GRIK2: variants seen among roughly 807,000 people sequenced by gnomAD.
The protein encoded by GRIK2 is glutamate ionotropic receptor kainate type subunit 2.
A neutral mutation model predicts 100.3 loss-of-function variants in GRIK2; 32 were observed. The ratio of observed to expected loss-of-function variants is 0.32; its 90% CI spans 0.24 to 0.43. The LOEUF (loss-of-function observed/expected upper bound fraction) is 0.43, where lower values mean the gene tolerates loss of function less well. Among genes scored for constraint, GRIK2 ranks in the 20% least tolerant of loss-of-function variants. The pLI, the probability that GRIK2 is intolerant of heterozygous loss-of-function variation, is 1.00. For missense variants in GRIK2, 843 were observed against 1,114.9 expected (o/e 0.76, Z 3.47); for synonymous variants, 417 against 389.4 (o/e 1.07, Z -0.83).
chr6:101,557,374 AT>A (rs1227535633), intron 2 of GRIK2, among the ~76,000 whole-genome samples: 1 of 152,182 alleles, frequency 6.6e-6, no homozygotes, highest in Non-Finnish European at 1.5e-5. Flanking sequence ...TTTTTAAAAA[AT>A]ATCTCTGGGT....
chr6:101,628,916 C>T (rs888716460), intron 4 of GRIK2, among the ~76,000 whole-genome samples: 16 of 152,052 alleles, frequency 1.1e-4, no homozygotes, highest in Admixed American at 4.6e-4. Flanking sequence ...CACAATCCTA[C>T]GTGTATGCAC....
At chr6:101,890,094 C>T (rs1582466149) in intron 12 of GRIK2, 1 of 392,126 alleles carries the variant, frequency 2.6e-6, no homozygotes. Flanking sequence ...ATAGGGATTA[C>T]TGTTTTCTTA....
intron 2 of GRIK2, among the ~76,000 whole-genome samples, chr6:101,608,153 A>T (rs1014664674): frequency 6.6e-6 from 1 of 151,914 alleles, no homozygotes; most frequent in African/African-American, 2.4e-5. Flanking sequence ...GCCTAAGGCC[A>T]CTCAGCAGAA....
At chr6:101,893,125 C>T (rs1184123682) in intron 12 of GRIK2, among the ~76,000 whole-genome samples, 1 of 151,066 alleles carries the variant, frequency 6.6e-6, no homozygotes, top group Admixed American at 6.6e-5. Context: ...TATTTTAATG[C>T]TTCCTTTAGC....
intron 10 of GRIK2, among the ~76,000 whole-genome samples, chr6:101,847,478 G>T (rs1783878490): frequency 6.6e-6 from 1 of 152,184 alleles, no homozygotes; most frequent in South Asian, 2.1e-4. Context: ...ATTTTGTAAA[G>T]TCTGTATTTT....
chr6:101,891,629 G>A (rs752481535), intron 12 of GRIK2: 2 of 386,526 alleles, frequency 5.2e-6, no homozygotes, highest in South Asian at 1.9e-5. Context: ...TACCTAATTA[G>A]TTAGATATTA....
intron 2 of GRIK2, among the ~76,000 whole-genome samples, chr6:101,507,973 A>G: frequency 6.6e-6 from 1 of 152,120 alleles, no homozygotes; most frequent in East Asian, 1.9e-4. Flanking sequence ...GAAGACAATA[A>G]TTTTCTGCCT....
At chr6:101,502,752 A>G (rs1040487422) in intron 2 of GRIK2, among the ~76,000 whole-genome samples, 1 of 152,156 alleles carries the variant, frequency 6.6e-6, no homozygotes, top group African/African-American at 2.4e-5. Context: ...AACACTAAAG[A>G]CCAAATAAAC....
intron 10 of GRIK2, among the ~76,000 whole-genome samples, chr6:101,840,951 C>T (rs623906): frequency 0.44 from 66,280 of 152,032 alleles, 18,188 homozygotes; most frequent in East Asian, 0.85. Flanking sequence ...TGAAGAATAC[C>T]TTATGCTACA....
intron 2 of GRIK2, among the ~76,000 whole-genome samples, chr6:101,556,146 GAC>G: frequency 6.6e-6 from 1 of 151,656 alleles, no homozygotes; most frequent in East Asian, 1.9e-4. Context: ...TGCTCATAAA[GAC>G]ATGACATTTT....
intron 4 of GRIK2, among the ~76,000 whole-genome samples, chr6:101,647,598 A>G (rs1781589913): frequency 6.6e-6 from 1 of 152,066 alleles, no homozygotes; most frequent in African/African-American, 2.4e-5. Context: ...GAAAGGATGC[A>G]GATTATATCT....
intron 2 of GRIK2, among the ~76,000 whole-genome samples, chr6:101,548,196 G>C (rs1261676176): frequency 6.6e-6 from 1 of 152,096 alleles, no homozygotes; most frequent in Non-Finnish European, 1.5e-5. Context: ...ATTTGTTTGA[G>C]TTCTTTGTAG....
chr6:101,602,278 A>G (rs567192797), intron 2 of GRIK2, among the ~76,000 whole-genome samples: 17 of 151,346 alleles, frequency 1.1e-4, no homozygotes, highest in Non-Finnish European at 1.9e-4. Flanking sequence ...TTATTCCACT[A>G]TGGTCTGAGA....
At chr6:102,064,749 C>T (rs1046372411) in intron 16 of GRIK2, among the ~76,000 whole-genome samples, 39 of 150,982 alleles carry the variant, frequency 2.6e-4, no homozygotes, top group African/African-American at 9.2e-4. Context: ...GCTTTAGAGA[C>T]TTATATAAAT....
chr6:101,900,711 AT>A (rs1243227142), intron 12 of GRIK2, among the ~76,000 whole-genome samples: 1 of 152,070 alleles, frequency 6.6e-6, no homozygotes, highest in Non-Finnish European at 1.5e-5. Flanking sequence ...TATAAAAATT[AT>A]TTTTATAGGT....
chr6:101,467,205 G>T (rs1169028509), intron 2 of GRIK2, among the ~76,000 whole-genome samples: 2 of 152,164 alleles, frequency 1.3e-5, no homozygotes, highest in Non-Finnish European at 2.9e-5. Flanking sequence ...CTGGACCAGA[G>T]AAAGCACTAT....
chr6:102,064,874 A>T (rs760581537), intron 16 of GRIK2, among the ~76,000 whole-genome samples: 10 of 151,286 alleles, frequency 6.6e-5, no homozygotes, highest in Admixed American at 1.3e-4. Context: ...TTAATTTGCC[A>T]TGTTAATTGT....
intron 12 of GRIK2, among the ~76,000 whole-genome samples, chr6:101,913,973 G>GTTTGAGAAGAA (rs1030051967): frequency 5.9e-5 from 9 of 151,364 alleles, no homozygotes; most frequent in Non-Finnish European, 1.0e-4. Context: ...TGAATAAAAA[G>GTTTGAGAAGAA]TATTAAAGTT....
chr6:101,818,440 C>G lies in GRIK2; in HGVS notation c.1274C>G (p.Thr425Arg). ...CAAAAGGGAAAGCCAGCGAACATCACAGATTCCTTATCCAATCGTTCTTTG... is the reference window on the plus strand; with the variant it reads ...CAAAAGGGAAAGCCAGCGAACATCAGAGATTCCTTATCCAATCGTTCTTTG... ...ESQKGKPANITDSLSNRSLIV... is the reference protein window; with the variant it reads ...ESQKGKPANIRDSLSNRSLIV... The change falls in exon 10 of 17, where the codon ACA becomes AGA. Residue 425 changes from threonine to arginine, a missense_variant. By Grantham distance (71) the Thr-to-Arg change is moderately conservative. Coordinates refer to ENST00000369134, the MANE Select transcript of GRIK2 (RefSeq NM_021956.5). 3.7e-6 allele frequency: 6 copies of G among 1,610,698 alleles called. No individual in the cohort carries two copies. Among genetic ancestry groups the G allele is most frequent in the Non-Finnish European group, 5.1e-6 (6 of 1,177,002 alleles).
Sources: gnomAD v4.1 joint callset for allele counts (sites outside exome capture counted in the v4.1 genomes callset) on GRCh38, gnomAD v4.1.1 for gene constraint, MANE v1.5 for transcripts, NCBI Gene and HGNC (gene_info 2026-07-23, HGNC 2026-07-21) for gene names.